The following C16orf74 variants were observed in gnomAD, a reference collection of about 807,000 sequenced individuals.
C16orf74 encodes the protein uncharacterized protein C16orf74.
In C16orf74, 10 loss-of-function variants were observed where a neutral mutation model predicts 6.5. The ratio of observed to expected loss-of-function variants is 1.54; its 90% confidence interval spans 0.95 to 2.61. The LOEUF is 2.61. Ranked by LOEUF, C16orf74 falls within the 30% of genes most tolerant of loss-of-function variation. C16orf74 has a pLI of 0.00. For synonymous variants in C16orf74, 60 were observed against 42.5 expected, an observed-to-expected ratio of 1.41 and a Z score of -1.60; for missense variants, 141 against 105.9, an observed-to-expected ratio of 1.33 and a Z score of -1.45.
chr16:85,742,786 CT>C (rs2054324648), intron 1 of C16orf74, among the ~76,000 whole-genome samples: 1 of 152,202 alleles, frequency 6.6e-6, no homozygotes, highest in Admixed American at 6.5e-5. Context: ...GGTGATCCGC[CT>C]GCCTCAGCCT....
At chr16:85,724,900 T>A (rs1431824328) in intron 2 of C16orf74, among the ~76,000 whole-genome samples, 1 of 152,190 alleles carries the variant, frequency 6.6e-6, no homozygotes, top group Non-Finnish European at 1.5e-5. Flanking sequence ...GAGAACATCC[T>A]TGGGAACTAT....
At chr16:85,744,792 T>TGTACTCCA (rs1388747037) in intron 1 of C16orf74, among the ~76,000 whole-genome samples, 39 of 133,372 alleles carry the variant, frequency 2.9e-4, no homozygotes, top group Non-Finnish European at 4.5e-5. Context: ...ATCGTGCCAC[T>TGTACTCCA]GCACTCCAGC....
chr16:85,739,332 T>C (rs1156919508), intron 1 of C16orf74, among the ~76,000 whole-genome samples: 1 of 152,206 alleles, frequency 6.6e-6, no homozygotes, highest in African/African-American at 2.4e-5. Flanking sequence ...TTCCCTTTTA[T>C]CCTGTCTTTG....
At chr16:85,710,391 A>C in intron 2 of C16orf74, 84 bp from the exon 3 acceptor site, 1 of 1,352,282 alleles carries the variant, frequency 7.4e-7, no homozygotes, top group Non-Finnish European at 9.6e-7. Context: ...CGCGGGCGCC[A>C]CCCTCCCTTC....
At chr16:85,748,368 G>A (rs2054397701) in intron 1 of C16orf74, among the ~76,000 whole-genome samples, 1 of 151,956 alleles carries the variant, frequency 6.6e-6, no homozygotes, top group Admixed American at 6.6e-5. Context: ...GGGAGGCTGA[G>A]GTGAGTGGAT....
At chr16:85,739,251 G>A (rs866234047) in intron 1 of C16orf74, among the ~76,000 whole-genome samples, 1 of 152,168 alleles carries the variant, frequency 6.6e-6, no homozygotes, top group Non-Finnish European at 1.5e-5. Context: ...TGTGGCTGCT[G>A]GTAAGCCAGA....
At chr16:85,743,922 TG>T (rs2054339838) in intron 1 of C16orf74, among the ~76,000 whole-genome samples, 1 of 151,800 alleles carries the variant, frequency 6.6e-6, no homozygotes, top group South Asian at 2.1e-4. Context: ...GGCATGGTGT[TG>T]GGCGCCTGTA....
At chr16:85,742,092 G>A (rs1414912319) in intron 1 of C16orf74, among the ~76,000 whole-genome samples, 1 of 152,300 alleles carries the variant, frequency 6.6e-6, no homozygotes, top group African/African-American at 2.4e-5. Flanking sequence ...AAGCCTGGTG[G>A]CTGGGCGTGG....
chr16:85,719,917 G>A (rs2054063941), intron 2 of C16orf74, among the ~76,000 whole-genome samples: 1 of 152,014 alleles, frequency 6.6e-6, no homozygotes, highest in African/African-American at 2.4e-5. Context: ...AGGCCCTGAG[G>A]CAGGAACAGA....
At chr16:85,724,183 C>T (rs998477585) in intron 2 of C16orf74, among the ~76,000 whole-genome samples, 51 of 152,176 alleles carry the variant, frequency 3.4e-4, no homozygotes, top group African/African-American at 1.2e-3. Context: ...TGTGCCACTG[C>T]ACCTGGCCCG....
chr16:85,733,082 G>C (rs1330427495), intron 2 of C16orf74, among the ~76,000 whole-genome samples: 1 of 152,208 alleles, frequency 6.6e-6, no homozygotes, highest in African/African-American at 2.4e-5. Context: ...TGGTCCCAGA[G>C]ATACCTCCAG....
At chr16:85,714,555 G>A (rs2054002952) in intron 2 of C16orf74, among the ~76,000 whole-genome samples, 1 of 151,850 alleles carries the variant, frequency 6.6e-6, no homozygotes, top group Non-Finnish European at 1.5e-5. Context: ...TAGTAGCTGG[G>A]ATTACAGGCG....
intron 2 of C16orf74, among the ~76,000 whole-genome samples, chr16:85,712,951 G>T (rs556285308): frequency 5.9e-4 from 90 of 152,320 alleles, no homozygotes; most frequent in African/African-American, 2.0e-3. Flanking sequence ...TGCAGCCTGA[G>T]CTCCAAAGTG....
At chr16:85,742,171 G>C (rs2054316150) in intron 1 of C16orf74, among the ~76,000 whole-genome samples, 1 of 152,272 alleles carries the variant, frequency 6.6e-6, no homozygotes, top group African/African-American at 2.4e-5. Context: ...TCAGGAGTTT[G>C]AGACCAGCCT....
At chr16:85,716,698 G>A (rs898040467) in intron 2 of C16orf74, among the ~76,000 whole-genome samples, 6 of 150,356 alleles carry the variant, frequency 4.0e-5, no homozygotes, top group African/African-American at 1.5e-4. Context: ...CGAGAGGGAG[G>A]AGGAAGGGAG....
intron 2 of C16orf74, among the ~76,000 whole-genome samples, chr16:85,715,600 C>A (rs1314801583): frequency 1.3e-5 from 2 of 152,224 alleles, no homozygotes; most frequent in Non-Finnish European, 2.9e-5. Context: ...CACAGCTTTG[C>A]CACGGCAGCC....
In C16orf74 at chr16:85,707,718, T is replaced by C; in HGVS notation, c.*290A>G. On this transcript the variant is annotated 3_prime_UTR_variant, in exon 4 of 4. Coordinates refer to ENST00000284245, the MANE Select transcript of C16orf74 (RefSeq NM_206967.3). Reference sequence around the variant, plus strand: ...GTTTGTCCAGAAGAGAGCCTCTCCCTGGGACCCCAACAGCCAGGACCATGG... The same window carrying C: ...GTTTGTCCAGAAGAGAGCCTCTCCCCGGGACCCCAACAGCCAGGACCATGG... 2.2e-6 allele frequency: 1 copy of C among 447,574 alleles called. No individual in the cohort carries two copies. The highest frequency in any genetic ancestry group is 4.0e-6 in the Non-Finnish European group (1 of 249,642). 27.7% of individuals were successfully genotyped at this position (447,574 alleles called of 1,614,324 possible).
intron 2 of C16orf74, among the ~76,000 whole-genome samples, chr16:85,723,377 G>C (rs929312378): frequency 6.6e-6 from 1 of 151,784 alleles, no homozygotes; most frequent in African/African-American, 2.4e-5. Flanking sequence ...AGCCAGCCTG[G>C]GCAACATAGC....
chr16:85,721,855 C>T (rs2054086371), intron 2 of C16orf74, among the ~76,000 whole-genome samples: 1 of 152,192 alleles, frequency 6.6e-6, no homozygotes, highest in Non-Finnish European at 1.5e-5. Context: ...CCCAGTCTGC[C>T]CTTGACCTGC....
Sources: gnomAD v4.1 joint callset for allele counts (sites outside exome capture counted in the v4.1 genomes callset) on GRCh38, gnomAD v4.1.1 for gene constraint, MANE v1.5 for transcripts, NCBI Gene and HGNC (gene_info 2026-07-23, HGNC 2026-07-21) for gene names.